The following ZFYVE26 variants were observed in gnomAD, a reference collection of about 807,000 sequenced individuals.
ZFYVE26 encodes the protein zinc finger FYVE-type containing 26.
ZFYVE26 carries 181 observed loss-of-function variants against 276.5 expected under a neutral mutation model. The ratio of observed to expected loss-of-function variants is 0.65; its 90% CI spans 0.58 to 0.74. The LOEUF (loss-of-function observed/expected upper bound fraction) is 0.74. Ranked by LOEUF, ZFYVE26 falls within the 30% of genes least tolerant of loss-of-function variation. ZFYVE26 has a pLI of 0.00. For synonymous variants in ZFYVE26, 1,129 were observed against 1,203.1 expected, an observed-to-expected ratio of 0.94 and a Z score of 1.27; for missense variants, 2,821 against 3,097.9, an observed-to-expected ratio of 0.91 and a Z score of 2.12.
At chr14:67,777,293 A>T (rs2039369587) in intron 25 of ZFYVE26, among the ~76,000 whole-genome samples, 1 of 152,254 alleles carries the variant, frequency 6.6e-6, no homozygotes, top group Non-Finnish European at 1.5e-5. Context: ...TAAGAGGACC[A>T]GGTAGAATTC....
chr14:67,774,931 CAAAAAA>C, intron 27 of ZFYVE26, 79 bp downstream of exon 27: 10 of 809,438 alleles, frequency 1.2e-5, no homozygotes, highest in East Asian at 2.9e-5. Flanking sequence ...AAAAAAGAAG[CAAAAAA>C]AAAAAAAAAA....
chr14:67,790,871 A>G, intron 14 of ZFYVE26, 98 bp from the exon 15 acceptor site: 4 of 1,141,080 alleles, frequency 3.5e-6, no homozygotes, highest in Non-Finnish European at 5.3e-6. Context: ...CTGTGGCCCT[A>G]AGATGTCTTT....
rs749964530 is a variant in ZFYVE26 at position 67,786,102 on chromosome 14, A to G, written c.3139+12T>C. The stretch of plus-strand genomic sequence containing the variant: ...CAAGTCCAGGAGAAGAAAAGAGAAA[A>G]AAGCAACTCACCTGATTTGGTTTGA... On this transcript the variant is annotated intron_variant, in intron 17 of 41. Transcript: ENST00000347230. The G allele has an allele frequency of 2.8e-5, 45 of 1,614,018 alleles. No homozygotes were observed. Among genetic ancestry groups the G allele is most frequent in the Non-Finnish European group, 3.7e-5 (44 of 1,180,008 alleles).
intron 13 of ZFYVE26, among the ~76,000 whole-genome samples, chr14:67,740,089 G>A (rs1230549734): frequency 6.6e-6 from 1 of 152,180 alleles, no homozygotes; most frequent in Non-Finnish European, 1.5e-5. Context: ...CCAGCTGCCA[G>A]ATGATGCAAA....
Position 67,748,537 on chromosome 14 carries a change from C to A in ZFYVE26, c.7519G>T (p.Ala2507Ser). 1.9e-6 allele frequency: 3 copies of A among 1,614,140 alleles called. No individual in the cohort carries two copies. The South Asian group carries it at 3.3e-5, about 18-fold the overall frequency. The stretch of plus-strand genomic sequence containing the variant: ...ACTGCATCCCCGCTGCTCTTGGCGG[C>A]CTGCTGCACCTGCTGGACAAGGGCT... ...ATALVQQVQQAAKSSGDAVVQ... is the reference protein window; with the variant it reads ...ATALVQQVQQSAKSSGDAVVQ... The change falls in exon 42 of 42, where the codon GCC becomes TCC. Residue 2507 changes from alanine (A) to serine (S), a missense_variant. Transcript: ENST00000347230.
chr14:67,786,600 A>C (rs1169614158), intron 16 of ZFYVE26, among the ~76,000 whole-genome samples: 2 of 152,254 alleles, frequency 1.3e-5, no homozygotes, highest in Admixed American at 1.3e-4. Flanking sequence ...TGACACTCCA[A>C]CTAGACTATG....
At chr14:67,729,966 G>A (rs1227574109) in intron 13 of ZFYVE26, 8 of 375,092 alleles carry the variant, frequency 2.1e-5, no homozygotes, top group Non-Finnish European at 3.1e-5. Context: ...CTGTTGTCCC[G>A]CTTTGTTCAA....
chr14:67,815,887 C>G lies in ZFYVE26; in HGVS notation c.77G>C (p.Arg26Thr). The G allele has an allele frequency of 6.2e-7, 1 of 1,614,162 alleles. No homozygotes were observed. Among genetic ancestry groups the G allele is most frequent in the Non-Finnish European group, 8.5e-7 (1 of 1,180,024 alleles). ...TGCCTGTGCCAGCTCCCATTCTCCCCTCCGCAGGCATTCGCAGAAAAATCC... is the reference window on the plus strand; with the variant it reads ...TGCCTGTGCCAGCTCCCATTCTCCCGTCCGCAGGCATTCGCAGAAAAATCC... The part of the protein sequence containing the change: ...LFGFFCECLR[R>T]GEWELAQACV... Residue 26 changes from arginine (R) to threonine (T), a missense_variant, in exon 2 of 42, where the codon AGG becomes ACG. Physicochemically the swap from Arg to Thr is moderately conservative, Grantham distance 71. Coordinates refer to ENST00000347230, the MANE Select transcript of ZFYVE26 (RefSeq NM_015346.4).
rs140117984 is a variant in ZFYVE26, at chr14:67,772,034, C to T, written c.5484+13G>A. ...TTCTCCTGAGGGTGACAGTGGAGAC[C>T]GATGCTGCTTACCATGGTGAAGTGC... is the stretch of plus-strand genomic sequence containing the variant. On this transcript the variant is annotated intron_variant, in intron 28 of 41. Coordinates refer to ENST00000347230, the MANE Select transcript of ZFYVE26 (RefSeq NM_015346.4). 2.5e-3 allele frequency: 4,064 copies of T among 1,609,432 alleles called. 29 individuals are homozygous for T. The highest frequency in any genetic ancestry group is 3.0e-3 in the African/African-American group (226 of 74,884).
chr14:67,734,047 C>T (rs920761838), intron 13 of ZFYVE26: 2 of 505,818 alleles, frequency 4.0e-6, no homozygotes, highest in East Asian at 4.2e-5. Context: ...GAGTTGTGGA[C>T]ACCTATAGAG....
intron 13 of ZFYVE26, chr14:67,735,452 A>G: frequency 1.7e-6 from 1 of 593,048 alleles, no homozygotes; most frequent in Non-Finnish European, 3.0e-6. Flanking sequence ...GGCTCTGCAC[A>G]AACAATGCCG....
At position 67,790,708 on chromosome 14, in the gene ZFYVE26, G is replaced by A; in HGVS notation, c.2619C>T (p.Tyr873=). The change falls in exon 15 of 42, where the codon TAC becomes TAT. Residue 873 remains tyrosine (Y), a synonymous_variant. Transcript: ENST00000347230. ...SSGELMFMER[Y]QEVIQELAQV... ...GGGCCAGTTCTTGGATCACTTCCTG[G>A]TAGCGCTCCATGAACATCAGTTCCC... 6.2e-7 allele frequency: 1 copy of A among 1,614,206 alleles called. No individual in the cohort carries two copies.
chr14:67,755,292 G>A (rs1399152651), intron 36 of ZFYVE26, 42 bp from the exon 37 acceptor site: 1 of 1,606,248 alleles, frequency 6.2e-7, no homozygotes, highest in African/African-American at 1.3e-5. Context: ...GTAGATCAGG[G>A]GTTTGGAGGG....
intron 13 of ZFYVE26, chr14:67,733,776 G>T (rs1566852756): frequency 8.1e-6 from 13 of 1,613,474 alleles, no homozygotes; most frequent in Non-Finnish European, 1.1e-5. Flanking sequence ...TGTCTCCAAG[G>T]GCCCGAAATA....
At position 67,807,885 on chromosome 14, in the gene ZFYVE26, G is replaced by A. The variant is rs760205577; in HGVS notation, c.399C>T (p.Gly133=). The change falls in exon 5 of 42, where the codon GGC becomes GGT. Residue 133 remains glycine, a synonymous_variant. Coordinates refer to ENST00000347230, the MANE Select transcript of ZFYVE26 (RefSeq NM_015346.4). Reference sequence around the variant, plus strand: ...TCCTTGGATTTCCGTCAGGCACGTGGCCTACTGCACCCTGTGTTAAGGTCT... The same window carrying A: ...TCCTTGGATTTCCGTCAGGCACGTGACCTACTGCACCCTGTGTTAAGGTCT... ...LYETLTQGAV[G]HVPDGNPRRE... is the part of the protein sequence containing the mutation. 1.2e-6 allele frequency: 2 copies of A among 1,614,066 alleles called. No homozygotes were observed. The highest frequency in any genetic ancestry group is 1.1e-5 in the South Asian group (1 of 91,064).
At chr14:67,793,463 G>A in intron 14 of ZFYVE26, 145 bp downstream of exon 14, 1 of 854,190 alleles carries the variant, frequency 1.2e-6, no homozygotes, top group Non-Finnish European at 1.9e-6. Flanking sequence ...GACTGGGCCT[G>A]GGCACATGGA....
chr14:67,805,279 C>T lies in ZFYVE26; in HGVS notation c.1209G>A (p.Arg403=), dbSNP rs1350552484. 5.0e-6 allele frequency: 8 copies of T among 1,614,008 alleles called. No homozygotes were observed. Among genetic ancestry groups the T allele is most frequent in the African/African-American group, 1.3e-5 (1 of 74,918 alleles). The change falls in exon 8 of 42, where the codon AGG becomes AGA. Residue 403 remains arginine, a synonymous_variant. Transcript: ENST00000347230. ...GAGCCCACAACCCATCACAGGCATC[C>T]CTGAGGAGCTCATCACAGCCTGGGC... The part of the protein sequence containing the change: ...TQGPGCDELL[R]DACDGLWAHL...
At position 67,783,411 on chromosome 14, in the gene ZFYVE26, G is replaced by A. The variant is rs760498926; in HGVS notation, c.3741C>T (p.Ser1247=). 6 of 1,614,094 alleles carry A rather than the reference G, an allele frequency of 3.7e-6. No homozygotes were observed. In the African/African-American group the frequency reaches 6.7e-5, roughly 18 times the overall value. The change falls in exon 21 of 42, where the codon TCC becomes TCT. Residue 1247 remains serine, a synonymous_variant. Transcript: ENST00000347230. The part of the protein sequence containing the change: ...LCSSRQSQQT[S]SLLTRLGTLA... The stretch of plus-strand genomic sequence containing the variant: ...GAGTACCCAGACGAGTCAGGAGGGA[G>A]GAGGTCTGCTGGCTTTGCCGGGATG...
At position 67,789,485 on chromosome 14, in the gene ZFYVE26, T is replaced by G. The variant is rs761104888; in HGVS notation, c.2869A>C (p.Thr957Pro). Residue 957 changes from threonine (T) to proline (P), a missense_variant, in exon 16 of 42, where the codon ACT becomes CCT. Transcript: ENST00000347230. ...FWISTALVEP[T>P]APLREVLEDL... Reference sequence around the variant, plus strand: ...TCCAGAACCTCTCTCAGGGGAGCAGTGGGCTCCACTAGAGCCGTGCTTATC... The same window carrying G: ...TCCAGAACCTCTCTCAGGGGAGCAGGGGGCTCCACTAGAGCCGTGCTTATC... The G allele has an allele frequency of 1.2e-6, 2 of 1,614,048 alleles. No homozygotes were observed. Among genetic ancestry groups the G allele is most frequent in the Non-Finnish European group, 1.7e-6 (2 of 1,180,044 alleles).
Sources: gnomAD v4.1 joint callset for allele counts (sites outside exome capture counted in the v4.1 genomes callset) on GRCh38, gnomAD v4.1.1 for gene constraint, MANE v1.5 for transcripts, NCBI Gene and HGNC (gene_info 2026-07-23, HGNC 2026-07-21) for gene names.